BICD2: variants seen among roughly 807,000 people sequenced by gnomAD.
The protein encoded by BICD2 is BICD cargo adaptor 2, also known as protein bicaudal D homolog 2.
A neutral mutation model predicts 72.9 loss-of-function variants in BICD2; 25 were observed. That is an observed-to-expected ratio of 0.34 (90% CI 0.25 to 0.48). The LOEUF (loss-of-function observed/expected upper bound fraction) is 0.48, where lower values mean the gene tolerates loss of function less well. Among genes scored for constraint, BICD2 ranks in the 20% least tolerant of loss-of-function variants. The pLI is 0.99. For missense variants in BICD2, 894 were observed against 1,175.2 expected (o/e 0.76, Z 3.50); for synonymous variants, 501 against 516.1 (o/e 0.97, Z 0.40).
chr9:92,748,010 A>G (rs1854051331), intron 1 of BICD2, among the ~76,000 whole-genome samples: 1 of 152,200 alleles, frequency 6.6e-6, no homozygotes, highest in Non-Finnish European at 1.5e-5. Flanking sequence ...ATATGTATGA[A>G]TATGTATGCC....
At chr9:92,739,376 G>A (rs1330880478) in intron 1 of BICD2, among the ~76,000 whole-genome samples, 1 of 152,214 alleles carries the variant, frequency 6.6e-6, no homozygotes, top group Non-Finnish European at 1.5e-5. Flanking sequence ...ACAGTCAGCT[G>A]AGACCACAAA....
At chr9:92,758,074 G>A (rs755769923) in intron 1 of BICD2, among the ~76,000 whole-genome samples, 5 of 151,448 alleles carry the variant, frequency 3.3e-5, no homozygotes, top group Non-Finnish European at 7.4e-5. Context: ...CGTGGTGGTG[G>A]GCTCCTGTAA....
chr9:92,724,618 A>G (rs1225423433), intron 2 of BICD2, among the ~76,000 whole-genome samples: 3 of 152,184 alleles, frequency 2.0e-5, no homozygotes, highest in Non-Finnish European at 4.4e-5. Context: ...AGCGAGGTGC[A>G]TGCTGGGACG....
At chr9:92,717,309 ATATAT>A (rs1853336353) in intron 6 of BICD2, among the ~76,000 whole-genome samples, 1 of 152,206 alleles carries the variant, frequency 6.6e-6, no homozygotes, top group Non-Finnish European at 1.5e-5. Flanking sequence ...CTCAGTCTCC[ATATAT>A]GCAAAGCAGA....
At chr9:92,751,173 CAG>C (rs1284364800) in intron 1 of BICD2, among the ~76,000 whole-genome samples, 2 of 150,396 alleles carry the variant, frequency 1.3e-5, no homozygotes, top group African/African-American at 2.4e-5. Context: ...TGTTTTGAGA[CAG>C]AGTCTTACTC....
At position 92,713,650 on chromosome 9, in the gene BICD2, G is replaced by A. The variant is rs546278282; in HGVS notation, c.*1504C>T. On this transcript the variant is annotated 3_prime_UTR_variant, in exon 7 of 7. Transcript: ENST00000356884. Reference sequence around the variant, plus strand: ...AAGTCCCTTAGGAGTATGGAGAGAAGCTATGTGCCAGGCTTGCAAGGAGAG... The same window carrying A: ...AAGTCCCTTAGGAGTATGGAGAGAAACTATGTGCCAGGCTTGCAAGGAGAG... 17 of 1,463,292 alleles carry A rather than the reference G, an allele frequency of 1.2e-5. No homozygotes were observed. The South Asian group carries it at 1.5e-4, about 13-fold the overall frequency. The allele number at this position is 1,463,292 out of a possible 1,614,324, so 90.6% of individuals were successfully genotyped here.
intron 2 of BICD2, among the ~76,000 whole-genome samples, chr9:92,726,423 A>G (rs1304276047): frequency 6.6e-6 from 1 of 152,120 alleles, no homozygotes; most frequent in African/African-American, 2.4e-5. Flanking sequence ...TTTATCGTCA[A>G]ATGTACCCTT....
chr9:92,723,891 T>G (rs977763069), intron 2 of BICD2, among the ~76,000 whole-genome samples: 3 of 152,108 alleles, frequency 2.0e-5, no homozygotes, highest in African/African-American at 4.8e-5. Context: ...TTCAGGGACG[T>G]TTCTTCTTTG....
chr9:92,734,105 A>T (rs1025714615), intron 1 of BICD2, among the ~76,000 whole-genome samples: 1 of 152,268 alleles, frequency 6.6e-6, no homozygotes, highest in African/African-American at 2.4e-5. Flanking sequence ...AACAGAGATG[A>T]ATCTAACAAT....
chr9:92,740,285 C>T (rs1340678214), intron 1 of BICD2, among the ~76,000 whole-genome samples: 1 of 152,036 alleles, frequency 6.6e-6, no homozygotes, highest in Non-Finnish European at 1.5e-5. Flanking sequence ...TGTTGGTGTA[C>T]CACGGAACAA....
At chr9:92,757,245 C>A (rs1854277942) in intron 1 of BICD2, among the ~76,000 whole-genome samples, 1 of 138,166 alleles carries the variant, frequency 7.2e-6, no homozygotes, top group African/African-American at 2.8e-5. Context: ...ACACAGGAGG[C>A]AGAGATTGCA....
intron 6 of BICD2, 86 bp from the exon 7 acceptor site, chr9:92,715,549 C>T (rs1478960524): frequency 1.5e-6 from 2 of 1,336,914 alleles, no homozygotes; most frequent in Non-Finnish European, 2.0e-6. Flanking sequence ...GCACGGCCCT[C>T]TGACAGCCCT....
Position 92,714,820 on chromosome 9 carries a change from A to T in BICD2, c.*334T>A, listed in dbSNP as rs1853268318. 2 of 1,078,104 alleles carry T rather than the reference A, an allele frequency of 1.9e-6. No individual in the cohort carries two copies. Among genetic ancestry groups the T allele is most frequent in the Non-Finnish European group, 2.2e-6 (2 of 889,574 alleles). The allele number at this position is 1,078,104 out of a possible 1,614,324, so 66.8% of individuals were successfully genotyped here. On this transcript the variant is annotated 3_prime_UTR_variant, in exon 7 of 7. Transcript: ENST00000356884. ...TGGGTGCTGAGGGAGCAGGACCAGG[A>T]CTCCTCCCTTGGGTTTCCCCACGGG...
intron 1 of BICD2, among the ~76,000 whole-genome samples, chr9:92,761,356 G>A (rs893297753): frequency 1.3e-5 from 2 of 152,236 alleles, no homozygotes; most frequent in Admixed American, 1.3e-4. Context: ...CGAAGCACTT[G>A]CTGCGTGTTG....
chr9:92,754,381 G>A (rs1169421535), intron 1 of BICD2, among the ~76,000 whole-genome samples: 1 of 152,192 alleles, frequency 6.6e-6, no homozygotes, highest in Non-Finnish European at 1.5e-5. Context: ...GTTTTTTGAG[G>A]AGAAAACTGT....
intron 1 of BICD2, among the ~76,000 whole-genome samples, chr9:92,751,158 GT>G (rs1280967259): frequency 6.7e-6 from 1 of 149,728 alleles, no homozygotes; most frequent in Non-Finnish European, 1.5e-5. Flanking sequence ...TGTTGTTGTT[GT>G]TGTTGTTTTG....
chr9:92,746,713 T>C (rs1011857629), intron 1 of BICD2, among the ~76,000 whole-genome samples: 3 of 152,112 alleles, frequency 2.0e-5, no homozygotes, highest in African/African-American at 4.8e-5. Flanking sequence ...ACCGTCGTGA[T>C]GGCTCTTAGA....
intron 1 of BICD2, among the ~76,000 whole-genome samples, chr9:92,763,340 C>T (rs930942083): frequency 1.3e-5 from 2 of 152,176 alleles, no homozygotes; most frequent in Non-Finnish European, 2.9e-5. Context: ...AAACCAAGAG[C>T]CAAGGGCTCA....
intron 2 of BICD2, among the ~76,000 whole-genome samples, chr9:92,724,698 G>T (rs1446381929): frequency 6.6e-6 from 1 of 152,182 alleles, no homozygotes; most frequent in African/African-American, 2.4e-5. Context: ...ACGGGGGGTG[G>T]ATAGGGAGTG....
Sources: gnomAD v4.1 joint callset for allele counts (sites outside exome capture counted in the v4.1 genomes callset) on GRCh38, gnomAD v4.1.1 for gene constraint, MANE v1.5 for transcripts, NCBI Gene and HGNC (gene_info 2026-07-23, HGNC 2026-07-21) for gene names.